The following KDM4C variants were observed in gnomAD, a reference collection of about 807,000 sequenced individuals.
The protein encoded by KDM4C is lysine demethylase 4C, also known as lysine-specific demethylase 4C.
KDM4C carries 81 observed loss-of-function variants against 129.3 expected under a neutral mutation model. That is an observed-to-expected ratio of 0.63 (90% CI 0.52 to 0.75). The LOEUF is 0.75. KDM4C is among the 30% of genes least tolerant of loss of function. The pLI, the probability that KDM4C is intolerant of heterozygous loss-of-function variation, is 0.00. For missense variants in KDM4C, 1,457 were observed against 1,304.0 expected, an observed-to-expected ratio of 1.12 and a Z score of -1.81; for synonymous variants, 573 against 456.1, an observed-to-expected ratio of 1.26 and a Z score of -3.26.
chr9:7,029,827 C>G (rs1171543405), intron 15 of KDM4C, among the ~76,000 whole-genome samples: 5 of 152,166 alleles, frequency 3.3e-5, no homozygotes, highest in Non-Finnish European at 5.9e-5. Flanking sequence ...ACATCCAACT[C>G]CCTTTTATGA....
intron 8 of KDM4C, among the ~76,000 whole-genome samples, chr9:6,932,865 T>G (rs573876027): frequency 6.6e-6 from 1 of 152,348 alleles, no homozygotes; most frequent in African/African-American, 2.4e-5. Context: ...CTACAAAGGA[T>G]TATATGGCCC....
At chr9:7,103,599 C>G (rs1311065136) in intron 17 of KDM4C, 86 bp from the exon 18 acceptor site, 349 of 531,094 alleles carry the variant, frequency 6.6e-4, no homozygotes, top group East Asian at 9.6e-4. Context: ...TTTTTTTCTT[C>G]TCTAGTAGCT....
At chr9:6,732,151 G>C (rs192947486) in intron 1 of KDM4C, among the ~76,000 whole-genome samples, 34 of 151,742 alleles carry the variant, frequency 2.2e-4, no homozygotes, top group Admixed American at 2.2e-3. Context: ...CGGATCACGA[G>C]GTCAGGAGAT....
chr9:7,031,345 G>C (rs1359631650), intron 15 of KDM4C, among the ~76,000 whole-genome samples: 1 of 151,880 alleles, frequency 6.6e-6, no homozygotes, highest in Non-Finnish European at 1.5e-5. Context: ...ATTTTTAGTA[G>C]AGACAGGGTT....
chr9:6,812,117 A>G (rs974501237), intron 3 of KDM4C, among the ~76,000 whole-genome samples: 4 of 152,050 alleles, frequency 2.6e-5, no homozygotes, highest in Non-Finnish European at 4.4e-5. Flanking sequence ...CATGCCTGTA[A>G]TTCCAGCTAC....
At chr9:6,803,060 C>A (rs1325093977) in intron 2 of KDM4C, among the ~76,000 whole-genome samples, 1 of 152,188 alleles carries the variant, frequency 6.6e-6, no homozygotes, top group Non-Finnish European at 1.5e-5. Flanking sequence ...GCAATGAAGT[C>A]ATTGCCATAA....
chr9:7,109,173 G>T (rs1017804756), intron 18 of KDM4C, among the ~76,000 whole-genome samples: 2 of 152,146 alleles, frequency 1.3e-5, no homozygotes, highest in Admixed American at 6.5e-5. Flanking sequence ...GTAGGCTGTT[G>T]CCAGATCTGA....
chr9:7,069,705 C>A (rs1402662201), intron 17 of KDM4C, among the ~76,000 whole-genome samples: 1 of 152,048 alleles, frequency 6.6e-6, no homozygotes, highest in African/African-American at 2.4e-5. Context: ...GTAATTTTAT[C>A]ACATGGAAAT....
chr9:6,774,603 T>C (rs1280997546), intron 1 of KDM4C, among the ~76,000 whole-genome samples: 1 of 152,158 alleles, frequency 6.6e-6, no homozygotes, highest in African/African-American at 2.4e-5. Flanking sequence ...AGGTGGAGAT[T>C]GCAGTAAGCT....
At chr9:7,040,811 T>A (rs1288249931) in intron 15 of KDM4C, among the ~76,000 whole-genome samples, 1 of 151,950 alleles carries the variant, frequency 6.6e-6, no homozygotes, top group Non-Finnish European at 1.5e-5. Flanking sequence ...TTTTAAGATA[T>A]GTTCTTTTTA....
In KDM4C at chr9:6,888,409, A is replaced by C. The variant is rs1045987553; in HGVS notation, c.783+346A>C. Among the ~76,000 whole-genome samples the C allele has an allele frequency of 2.6e-5, 4 of 152,210 alleles. No individual in the cohort carries two copies. The South Asian group carries it at 8.3e-4, about 32-fold the overall frequency. On this transcript the variant is annotated intron_variant, in intron 7 of 21. Transcript: ENST00000381309. ...TCTATTTTCTAAAAATTTCAGAGCA[A>C]TTATTAGCAATGGGTTGCTTAGAAT...
rs143405180 is a variant in KDM4C, at chr9:6,935,076, G to C, written c.921+41844G>C. 5.7e-3 allele frequency among the ~76,000 whole-genome samples: 873 copies of C among 152,024 alleles called. 7 individuals are homozygous for C. The highest frequency in any genetic ancestry group is 0.02 in the African/African-American group (834 of 41,492). ...AATTTTCCAGAAATTTATTAAATAC[G>C]AAGTTCCTTAACTACTGACTTAGAA... On this transcript the variant is annotated intron_variant, in intron 8 of 21. Transcript: ENST00000381309.
chr9:7,034,644 A>G (rs1368613226), intron 15 of KDM4C, among the ~76,000 whole-genome samples: 3 of 152,196 alleles, frequency 2.0e-5, no homozygotes, highest in Middle Eastern at 3.2e-3. Flanking sequence ...TAGAGGGGGC[A>G]TATATGTCTC....
intron 1 of KDM4C, among the ~76,000 whole-genome samples, chr9:6,772,974 G>A (rs1822209146): frequency 1.3e-5 from 2 of 152,140 alleles, no homozygotes; most frequent in South Asian, 4.2e-4. Context: ...AGGATTACAG[G>A]TGTGAGCCAC....
intron 8 of KDM4C, among the ~76,000 whole-genome samples, chr9:6,921,421 C>T (rs1821481048): frequency 6.6e-6 from 1 of 152,200 alleles, no homozygotes; most frequent in African/African-American, 2.4e-5. Flanking sequence ...AACTCTGTTT[C>T]TCCAGTTGCT....
intron 19 of KDM4C, among the ~76,000 whole-genome samples, chr9:7,143,396 T>C (rs183666500): frequency 1.1e-4 from 16 of 152,326 alleles, no homozygotes; most frequent in African/African-American, 3.4e-4. Flanking sequence ...AAGACTAATA[T>C]CTGGTGTGAA....
At chr9:6,751,884 A>G (rs1325402774) in intron 1 of KDM4C, among the ~76,000 whole-genome samples, 1 of 152,182 alleles carries the variant, frequency 6.6e-6, no homozygotes, top group African/African-American at 2.4e-5. Flanking sequence ...AAATCAGTGA[A>G]TTTGATAAAT....
chr9:6,895,067 T>A (rs1846648682), intron 8 of KDM4C, among the ~76,000 whole-genome samples: 1 of 152,186 alleles, frequency 6.6e-6, no homozygotes, highest in South Asian at 2.1e-4. Flanking sequence ...TCTAACTGAA[T>A]GTATTTGAGA....
At chr9:6,995,658 A>C (rs1447346936) in intron 12 of KDM4C, among the ~76,000 whole-genome samples, 4 of 152,096 alleles carry the variant, frequency 2.6e-5, no homozygotes, top group Non-Finnish European at 5.9e-5. Flanking sequence ...GAAAGTACTT[A>C]CACCTTTGCA....
Sources: gnomAD v4.1 joint callset for allele counts (sites outside exome capture counted in the v4.1 genomes callset) on GRCh38, gnomAD v4.1.1 for gene constraint, MANE v1.5 for transcripts, NCBI Gene and HGNC (gene_info 2026-07-23, HGNC 2026-07-21) for gene names.